The following IDO2 variants were observed in gnomAD, a reference collection of about 807,000 sequenced individuals.
The protein encoded by IDO2 is indoleamine 2,3-dioxygenase 2.
In IDO2, 46 loss-of-function variants were observed where a neutral mutation model predicts 45.1. The observed-to-expected ratio is 1.02, with a 90% CI of 0.80 to 1.30. IDO2 has a LOEUF of 1.30. Ranked by LOEUF, IDO2 falls within the 50% of genes most tolerant of loss-of-function variation. IDO2 has a pLI of 0.00. For missense variants in IDO2, 544 were observed against 491.8 expected (o/e 1.11, Z -1.00); for synonymous variants, 218 against 184.9 (o/e 1.18, Z -1.45).
intron 2 of IDO2, among the ~76,000 whole-genome samples, chr8:39,958,693 T>C (rs1170044561): frequency 6.6e-6 from 1 of 152,152 alleles, no homozygotes; most frequent in African/African-American, 2.4e-5. Context: ...TCAAGTGATC[T>C]GCCCATCTCA....
intron 1 of IDO2, among the ~76,000 whole-genome samples, chr8:39,942,655 A>AACAC (rs1228107683): frequency 6.6e-6 from 1 of 152,126 alleles, no homozygotes; most frequent in Non-Finnish European, 1.5e-5. Flanking sequence ...CAAACAAACA[A>AACAC]AATCAGTAAG....
chr8:39,955,615 C>T lies in IDO2; in HGVS notation c.99+6351C>T, dbSNP rs140078217. ...GGACAGAGAAAGTTGAATACTCTGA[C>T]GATAGCCATGATCCATAGCTCTGAA... On this transcript the variant is annotated intron_variant, in intron 2 of 10. Coordinates refer to ENST00000502986, the Ensembl canonical transcript of IDO2. Among the ~76,000 whole-genome samples the T allele has an allele frequency of 7.9e-5, 12 of 152,100 alleles. No individual in the cohort carries two copies. In the Middle Eastern group the frequency reaches 0.02, roughly 259 times the overall value.
At chr8:39,986,372 A>G (rs1563435522) in intron 6 of IDO2, 1 of 152,156 alleles carries the variant, frequency 6.6e-6, no homozygotes, top group African/African-American at 2.4e-5. Context: ...AAACTCATCA[A>G]ATAAGAGTGT....
At chr8:39,962,093 G>A (rs931690031) in intron 2 of IDO2, among the ~76,000 whole-genome samples, 4 of 152,152 alleles carry the variant, frequency 2.6e-5, no homozygotes, top group African/African-American at 7.2e-5. Context: ...GAAAATTCAC[G>A]AAAATTAATG....
At chr8:39,940,799 T>C (rs188396425) in intron 1 of IDO2, among the ~76,000 whole-genome samples, 11 of 151,788 alleles carry the variant, frequency 7.2e-5, no homozygotes, top group Non-Finnish European at 1.3e-4. Context: ...AACAAAGAAA[T>C]GATCACTGTT....
At chr8:39,989,647 A>G in intron 7 of IDO2, 74 bp from the exon 8 acceptor site, 1 of 1,029,520 alleles carries the variant, frequency 9.7e-7, no homozygotes, top group Non-Finnish European at 1.4e-6. Flanking sequence ...GGGTTCCAAC[A>G]GTATGAGGCT....
intron 8 of IDO2, among the ~76,000 whole-genome samples, chr8:39,996,083 AAAAAAG>A (rs1278479587): frequency 8.3e-4 from 125 of 151,436 alleles, no homozygotes; most frequent in Middle Eastern, 3.4e-3. Context: ...TAAAAAAAAA[AAAAAAG>A]AAAAGAAAAG....
chr8:39,979,657 G>A (rs1357633727), intron 4 of IDO2, among the ~76,000 whole-genome samples: 2 of 152,178 alleles, frequency 1.3e-5, no homozygotes, highest in African/African-American at 4.8e-5. Context: ...TCAGCCTGAA[G>A]GGCCATTTAA....
intron 8 of IDO2, among the ~76,000 whole-genome samples, chr8:40,005,058 T>C (rs2909330): frequency 0.086 from 13,138 of 152,248 alleles, 665 homozygotes; most frequent in Middle Eastern, 0.15. Flanking sequence ...ATGGCCTTGT[T>C]CTCTTTTTTG....
chr8:39,989,762 G>A (rs1052274855), exon 8 of IDO2: 2 of 1,603,606 alleles, frequency 1.2e-6, no homozygotes, highest in Admixed American at 1.7e-5. Context: ...AGCCCAACCA[G>A]GAGGCCCTGC....
intron 8 of IDO2, among the ~76,000 whole-genome samples, chr8:40,004,879 C>G (rs1802196815): frequency 6.6e-6 from 1 of 152,196 alleles, no homozygotes; most frequent in African/African-American, 2.4e-5. Context: ...GGGACACTTG[C>G]TCCGCTCTTG....
intron 1 of IDO2, among the ~76,000 whole-genome samples, chr8:39,941,379 A>G (rs911270451): frequency 6.6e-6 from 1 of 152,162 alleles, no homozygotes; most frequent in African/African-American, 2.4e-5. Flanking sequence ...GAAACCAAAT[A>G]CCAGTTGTTT....
At chr8:39,992,966 G>T (rs377433357) in intron 8 of IDO2, among the ~76,000 whole-genome samples, 5 of 151,994 alleles carry the variant, frequency 3.3e-5, no homozygotes, top group Non-Finnish European at 7.3e-5. Flanking sequence ...TTTGTAAAGC[G>T]CTCACTTCTG....
chr8:39,960,795 T>G (rs558941298), intron 2 of IDO2, among the ~76,000 whole-genome samples: 14 of 152,354 alleles, frequency 9.2e-5, no homozygotes, highest in African/African-American at 3.1e-4. Flanking sequence ...TAATTTATTT[T>G]TTTTTGAGAC....
intron 2 of IDO2, among the ~76,000 whole-genome samples, chr8:39,961,776 C>A (rs763336872): frequency 1.2e-4 from 18 of 152,136 alleles, no homozygotes; most frequent in Non-Finnish European, 2.4e-4. Flanking sequence ...TGACTTTCAC[C>A]TGCATTTCTG....
intron 7 of IDO2, among the ~76,000 whole-genome samples, 158 bp from the exon 8 acceptor site, chr8:39,989,563 G>A (rs1194040940): frequency 6.6e-6 from 1 of 152,176 alleles, no homozygotes; most frequent in Non-Finnish European, 1.5e-5. Flanking sequence ...GCTTCTGGCT[G>A]TCAGGCCAAC....
chr8:39,945,150 G>A (rs1807710878), intron 1 of IDO2, among the ~76,000 whole-genome samples: 1 of 152,244 alleles, frequency 6.6e-6, no homozygotes, highest in African/African-American at 2.4e-5. Context: ...CTGCAGGGTG[G>A]CCATGCTACA....
intron 7 of IDO2, among the ~76,000 whole-genome samples, chr8:39,989,302 G>A (rs930192276): frequency 6.6e-6 from 1 of 152,094 alleles, no homozygotes; most frequent in African/African-American, 2.4e-5. Flanking sequence ...TCAGCCTGTG[G>A]GGATTACCAT....
At chr8:39,957,243 C>T (rs543013385) in intron 2 of IDO2, among the ~76,000 whole-genome samples, 1 of 152,182 alleles carries the variant, frequency 6.6e-6, no homozygotes, top group South Asian at 2.1e-4. Context: ...ACTATTGTCT[C>T]CTCCCCTTGT....
Sources: allele counts gnomAD v4.1 joint callset (sites outside exome capture counted in the v4.1 genomes callset), GRCh38; gene constraint gnomAD v4.1.1; transcripts MANE v1.5; gene names NCBI Gene and HGNC (gene_info 2026-07-23, HGNC 2026-07-21).